Variants in CAD observed in about 807,000 individuals in gnomAD.
CAD encodes the protein carbamoyl-phosphate synthetase 2, aspartate transcarbamylase, and dihydroorotase.
CAD carries 81 observed loss-of-function variants against 237.2 expected under a neutral mutation model. The observed-to-expected ratio is 0.34, with a 90% CI of 0.29 to 0.41. CAD has a LOEUF of 0.41. CAD is among the 10% of genes least tolerant of loss of function. The pLI is 1.00. For synonymous variants in CAD, 1,196 were observed against 1,162.8 expected (o/e 1.03, Z -0.58); for missense variants, 2,181 against 2,951.7 (o/e 0.74, Z 6.05).
Position 27,222,603 on chromosome 2 carries a change from T to C in CAD, c.580T>C (p.Cys194Arg). ...GLKYNQIRCL[C>R]QRGAEVTVVP... ...CAAGTATAATCAGATCCGATGCCTC[T>C]GCCAGCGTGGGGCTGAGGTCACTGT... The change falls in exon 5 of 44, where the codon TGC (cysteine) becomes CGC (arginine). Residue 194 changes from cysteine to arginine, a missense_variant. Coordinates refer to ENST00000264705, the MANE Select transcript of CAD (RefSeq NM_004341.5). 6.2e-7 allele frequency: 1 copy of C among 1,614,170 alleles called. No homozygotes were observed. Among genetic ancestry groups the C allele is most frequent in the Non-Finnish European group, 8.5e-7 (1 of 1,180,026 alleles).
At position 27,243,915 on chromosome 2, in the gene CAD, C is replaced by A; in HGVS notation, c.*397C>A. ...ACACTCGGCATTTTCACACTCGTGA[C>A]TCTTTGGGACTCGGCAGGAGCGTGT... On this transcript the variant is annotated 3_prime_UTR_variant, in exon 44 of 44. Transcript: ENST00000264705. 5.1e-6 allele frequency: 1 copy of A among 195,490 alleles called. No homozygotes were observed. Among genetic ancestry groups the A allele is most frequent in the Non-Finnish European group, 1.1e-5 (1 of 94,194 alleles). The allele number at this position is 195,490 out of a possible 1,614,324, so 12.1% of individuals were successfully genotyped here.
At position 27,242,915 on chromosome 2, in the gene CAD, T is replaced by G; in HGVS notation, c.6422T>G (p.Val2141Gly). The G allele has an allele frequency of 6.2e-7, 1 of 1,613,236 alleles. No homozygotes were observed. Residue 2141 changes from valine (V) to glycine (G), a missense_variant, in exon 42 of 44, where the codon GTG becomes GGG. Transcript: ENST00000264705. This position sits in a 1 kb window ranked among gnomAD's most constrained non-coding sequence, Gnocchi z 6.4. Reference protein sequence around the residue: ...SIEEALPDTDVLYMTRIQKER... With the variant: ...SIEEALPDTDGLYMTRIQKER... ...GAGGAGGCGCTGCCTGACACTGATG[T>G]GCTCTACATGACTCGAATCCAGAAG...
Position 27,239,640 on chromosome 2 carries a change from C to G in CAD, c.5395-57C>G. On this transcript the variant is annotated intron_variant, in intron 33 of 43. Transcript: ENST00000264705. The surrounding 1 kb of genome is among the most constrained non-coding windows in gnomAD (Gnocchi z 4.0). ...CTTTTTGTCCTTGCTGACATCTACC[C>G]CTTTAGGACCTGAGTTCTCTCTGCT... is the stretch of plus-strand genomic sequence containing the variant. The G allele has an allele frequency of 6.7e-7, 1 of 1,494,072 alleles. No individual in the cohort carries two copies. The highest frequency in any genetic ancestry group is 9.1e-7 in the Non-Finnish European group (1 of 1,094,578). 92.6% of individuals were successfully genotyped at this position (1,494,072 alleles called of 1,614,324 possible).
chr2:27,220,673 A>C (rs186786196), intron 2 of CAD, among the ~76,000 whole-genome samples: 368 of 147,188 alleles, frequency 2.5e-3, no homozygotes, highest in Non-Finnish European at 4.5e-3. Context: ...AAAAAAAAGG[A>C]ATGGCTAGGT....
At position 27,224,467 on chromosome 2, in the gene CAD, G is replaced by C; in HGVS notation, c.1231G>C (p.Glu411Gln). The change falls in exon 9 of 44, where the codon GAA becomes CAA. Residue 411 changes from glutamate to glutamine, a missense_variant. Glu to Gln is a conservative substitution (Grantham distance 29). Coordinates refer to ENST00000264705, the MANE Select transcript of CAD (RefSeq NM_004341.5). ...GGGCCTCTCCATTGGCCAAGCTGGAGAATTTGACTACTCGGGCTCTCAGGT... is the reference window on the plus strand; with the variant it reads ...GGGCCTCTCCATTGGCCAAGCTGGACAATTTGACTACTCGGGCTCTCAGGT... ...SGGLSIGQAG[E>Q]FDYSGSQAIK... 6.2e-7 allele frequency: 1 copy of C among 1,614,190 alleles called. No individual in the cohort carries two copies. Among genetic ancestry groups the C allele is most frequent in the Non-Finnish European group, 8.5e-7 (1 of 1,180,044 alleles).
Position 27,238,510 on chromosome 2 carries a change from A to G in CAD, c.4940A>G (p.His1647Arg), listed in dbSNP as rs778214838. The G allele has an allele frequency of 1.1e-5, 17 of 1,613,620 alleles. 1 individual carries two copies. In the South Asian group the frequency reaches 1.5e-4, roughly 15 times the overall value. ...EVAPHHLFLS[H>R]DDLERLGPGK... ...GCTCCCCACCACCTGTTCCTAAGCC[A>G]TGATGACCTGGAGCGCCTGGGGCCT... The change falls in exon 31 of 44, where the codon CAT (histidine) becomes CGT (arginine). Residue 1647 changes from histidine to arginine, a missense_variant. Physicochemically the swap from His to Arg is conservative, Grantham distance 29. Coordinates refer to ENST00000264705, the MANE Select transcript of CAD (RefSeq NM_004341.5).
chr2:27,238,362 C>A, intron 30 of CAD, 69 bp from the exon 31 acceptor site: 1 of 1,478,446 alleles, frequency 6.8e-7, no homozygotes, highest in Non-Finnish European at 9.2e-7. Context: ...GGGATGTTGG[C>A]CATTGGGACT....
In CAD at chr2:27,242,456, T is replaced by G; in HGVS notation, c.6222+29T>G. 1.2e-6 allele frequency: 2 copies of G among 1,606,782 alleles called. No individual in the cohort carries two copies. The highest frequency in any genetic ancestry group is 1.3e-5 in the African/African-American group (1 of 74,896). On this transcript the variant is annotated intron_variant, in intron 40 of 43. Coordinates refer to ENST00000264705, the MANE Select transcript of CAD (RefSeq NM_004341.5). The surrounding 1 kb of genome is among the most constrained non-coding windows in gnomAD (Gnocchi z 6.4). ...AGGGTGGTGGCAGGGTTTGGATCCC[T>G]GCCAGGGGACGATCTAGAGAGGGAG...
rs762422755 is a variant in CAD at position 27,241,286 on chromosome 2, C to CT, written c.5809-35dup. The CT allele has an allele frequency of 1.9e-6, 3 of 1,613,958 alleles. No individual in the cohort carries two copies. In the East Asian group the frequency reaches 6.7e-5, roughly 36 times the overall value. On this transcript the variant is annotated intron_variant, in intron 37 of 43. Coordinates refer to ENST00000264705, the MANE Select transcript of CAD (RefSeq NM_004341.5). This position sits in a 1 kb window ranked among gnomAD's most constrained non-coding sequence, Gnocchi z 4.6. ...GCTTTGAGGATTTGGAAAGCTGGGG[C>CT]TAGGACCTTTCTAGCTAACTTGGGC...
chr2:27,226,548 C>G lies in CAD; in HGVS notation c.2055C>G (p.Ala685=). 6.2e-7 allele frequency: 1 copy of G among 1,614,168 alleles called. No individual in the cohort carries two copies. ...SEQYYIIEVN[A]RLSRSSALAS... is the part of the protein sequence containing the mutation. ...AGTATTACATCATTGAAGTGAATGC[C>G]AGGCTCTCTCGCAGCTCTGCCCTGG... The change falls in exon 14 of 44, where the codon GCC becomes GCG. Residue 685 remains alanine (A), a synonymous_variant. Coordinates refer to ENST00000264705, the MANE Select transcript of CAD (RefSeq NM_004341.5).
Position 27,224,837 on chromosome 2 carries a change from G to T in CAD, c.1347G>T (p.Lys449Asn). The T allele has an allele frequency of 1.2e-6, 2 of 1,614,142 alleles. No homozygotes were observed. The highest frequency in any genetic ancestry group is 1.7e-6 in the Non-Finnish European group (2 of 1,180,018). The change falls in exon 10 of 44, where the codon AAG (lysine) becomes AAT (asparagine). Residue 449 changes from lysine to asparagine, a missense_variant. Transcript: ENST00000264705. Reference sequence around the variant, plus strand: ...AGACCTCCCAGGGGCTGGCCGACAAGGTCTATTTTCTTCCCATAACACCTC... The same window carrying T: ...AGACCTCCCAGGGGCTGGCCGACAATGTCTATTTTCTTCCCATAACACCTC... ...TVQTSQGLAD[K>N]VYFLPITPHY...
intron 30 of CAD, 108 bp downstream of exon 30, chr2:27,238,295 C>A: frequency 6.8e-7 from 1 of 1,476,810 alleles, no homozygotes; most frequent in Non-Finnish European, 9.2e-7. Context: ...CTGGAGACAG[C>A]AGGAGGAGGG....
At chr2:27,229,420 C>A (rs979901452) in intron 15 of CAD, among the ~76,000 whole-genome samples, 1 of 151,944 alleles carries the variant, frequency 6.6e-6, no homozygotes, top group African/African-American at 2.4e-5. Context: ...TGTACACCAC[C>A]ACACCTTGCT....
rs773954446 is a variant in CAD, at chr2:27,235,218, C to T, written c.3787-27C>T. On this transcript the variant is annotated intron_variant, in intron 23 of 43. Coordinates refer to ENST00000264705, the MANE Select transcript of CAD (RefSeq NM_004341.5). This position sits in a 1 kb window ranked among gnomAD's most constrained non-coding sequence, Gnocchi z 5.2. ...GGAGGAGGTCCTCTCACACCTTGGC[C>T]CTCTCTCTTCCCTCCCGCCCCTTTA... is the stretch of plus-strand genomic sequence containing the variant. The T allele has an allele frequency of 6.3e-7, 1 of 1,576,506 alleles. No individual in the cohort carries two copies. The highest frequency in any genetic ancestry group is 1.2e-5 in the South Asian group (1 of 85,016).
At chr2:27,218,819 T>C (rs1234061179) in intron 2 of CAD, among the ~76,000 whole-genome samples, 1 of 152,208 alleles carries the variant, frequency 6.6e-6, no homozygotes, top group Non-Finnish European at 1.5e-5. Context: ...CCTAGAGTAG[T>C]ATCTCTCAAA....
At position 27,222,644 on chromosome 2, in the gene CAD, T is replaced by A; in HGVS notation, c.621T>A (p.His207Gln). 2 of 1,613,706 alleles carry A rather than the reference T, an allele frequency of 1.2e-6. No homozygotes were observed. ...GAEVTVVPWD[H>Q]ALDSQEYEGL... ...AGGTCACTGTGGTACCCTGGGACCA[T>A]GCACTAGACAGCCAAGGTGAGTAGC... The change falls in exon 5 of 44, where the codon CAT becomes CAA. Residue 207 changes from histidine (H) to glutamine (Q), a missense_variant. Transcript: ENST00000264705.
rs149235473 is a variant in CAD, at chr2:27,226,351, G to A, written c.2031+32G>A. The stretch of plus-strand genomic sequence containing the variant: ...TCTAGGCCCTGGAACTGATAGTCTA[G>A]TTGTTACCCCCTCTTCTTGTATAAT... On this transcript the variant is annotated intron_variant, in intron 13 of 43. Coordinates refer to ENST00000264705, the MANE Select transcript of CAD (RefSeq NM_004341.5). 1.7e-4 allele frequency: 274 copies of A among 1,601,388 alleles called. No homozygotes were observed. The African/African-American group carries it at 3.2e-3, about 19-fold the overall frequency.
chr2:27,222,347 A>G lies in CAD; in HGVS notation c.495+11A>G, dbSNP rs1292052646. 2 of 1,602,962 alleles carry G rather than the reference A, an allele frequency of 1.2e-6. No homozygotes were observed. Among genetic ancestry groups the G allele is most frequent in the East Asian group, 2.2e-5 (1 of 44,526 alleles). On this transcript the variant is annotated intron_variant, in intron 4 of 43. Coordinates refer to ENST00000264705, the MANE Select transcript of CAD (RefSeq NM_004341.5). Reference sequence around the variant, plus strand: ...GAGGTCTCCATTAAGGTACAGAGGTAGAGTGGGAGAGTGTTGCAAGCTCTA... The same window carrying G: ...GAGGTCTCCATTAAGGTACAGAGGTGGAGTGGGAGAGTGTTGCAAGCTCTA...
At chr2:27,220,525 CTG>C (rs1675108459) in intron 2 of CAD, among the ~76,000 whole-genome samples, 1 of 151,842 alleles carries the variant, frequency 6.6e-6, no homozygotes, top group African/African-American at 2.4e-5. Flanking sequence ...TGATCCACAC[CTG>C]TGGTCCCAAC....
Sources: allele counts gnomAD v4.1 joint callset (sites outside exome capture counted in the v4.1 genomes callset), GRCh38; gene constraint gnomAD v4.1.1; non-coding constraint Gnocchi (gnomAD v3.1); transcripts MANE v1.5; gene names NCBI Gene and HGNC (gene_info 2026-07-23, HGNC 2026-07-21).